Variants in EXOC7 observed in about 807,000 individuals in gnomAD.
EXOC7 encodes exocyst complex component 7, also known as exocyst complex component Exo70.
Under a neutral mutation model 87.6 loss-of-function variants are expected in EXOC7, and 51 were observed. The ratio of observed to expected loss-of-function variants is 0.58; its 90% CI spans 0.46 to 0.73. The LOEUF is 0.73. Among genes scored for constraint, EXOC7 ranks in the 30% least tolerant of loss-of-function variants. EXOC7 has a pLI of 0.00. For synonymous variants in EXOC7, 327 were observed against 357.1 expected (o/e 0.92, Z 0.95); for missense variants, 744 against 888.4 (o/e 0.84, Z 2.07).
chr17:76,081,088 C>A lies in EXOC7; in HGVS notation c.*2560G>T. On this transcript the variant is annotated 3_prime_UTR_variant, in exon 19 of 19. Transcript: ENST00000589210. ...GAATCTGATAAAGGCCTTCCTTCAA[C>A]TGGAGACAATTTGGGATGTTGCAAA... 1 of 668,496 alleles carries A rather than the reference C, an allele frequency of 1.5e-6. No homozygotes were observed. The highest frequency in any genetic ancestry group is 2.5e-6 in the Non-Finnish European group (1 of 392,592). The allele number at this position is 668,496 out of a possible 1,614,324, so 41.4% of individuals were successfully genotyped here. A position where few individuals can be genotyped will look rare whatever the true frequency, so the allele number is the denominator to read the frequency against.
intron 13 of EXOC7, 75 bp from the exon 14 acceptor site, chr17:76,085,872 G>C: frequency 1.3e-6 from 2 of 1,569,722 alleles, no homozygotes; most frequent in Non-Finnish European, 8.6e-7. Context: ...ACCCGCGAAC[G>C]CGCTCCTATC....
At position 76,094,329 on chromosome 17, in the gene EXOC7, C is replaced by T. The variant is rs147553412; in HGVS notation, c.808+85G>A. 4.3e-4 allele frequency: 616 copies of T among 1,440,680 alleles called. 5 individuals carry two copies. The East Asian group carries it at 6.9e-3, about 16-fold the overall frequency. 89.2% of individuals were successfully genotyped at this position (1,440,680 alleles called of 1,614,324 possible). On this transcript the variant is annotated intron_variant, in intron 6 of 18. Coordinates refer to ENST00000589210, the MANE Select transcript of EXOC7 (RefSeq NM_001013839.4). Reference sequence around the variant, plus strand: ...GACGACAAGCTCTGGAGGGGCCTGACGCTGCGAACGCTAGATTGGACTAAA... The same window carrying T: ...GACGACAAGCTCTGGAGGGGCCTGATGCTGCGAACGCTAGATTGGACTAAA...
intron 7 of EXOC7, 160 bp from the exon 8 acceptor site, chr17:76,089,480 C>T (rs2067376344): frequency 7.0e-6 from 6 of 859,640 alleles, no homozygotes; most frequent in Non-Finnish European, 8.8e-6. Context: ...AGCCAGCAGG[C>T]CCCGCCAGGT....
Position 76,092,809 on chromosome 17 carries a change from G to A in EXOC7, c.809-1574C>T, listed in dbSNP as rs547528454. On this transcript the variant is annotated intron_variant, in intron 6 of 18. Coordinates refer to ENST00000589210, the MANE Select transcript of EXOC7 (RefSeq NM_001013839.4). ...CCGTCAGGCTCCCAATTGCCTCCAG[G>A]GATGCTGAGGTCGGTGCTTCACCAC... is the stretch of plus-strand genomic sequence containing the variant. The A allele has an allele frequency of 2.0e-5, 3 of 152,336 alleles. 1 individual carries two copies. Among genetic ancestry groups the A allele is most frequent in the Admixed American group, 6.5e-5 (1 of 15,304 alleles). The allele number at this position is 152,336 out of a possible 1,614,324, so 9.4% of individuals were successfully genotyped here. A position where few individuals can be genotyped will look rare whatever the true frequency, so the allele number is the denominator to read the frequency against.
rs367704480 is a variant in EXOC7 at position 76,101,404 on chromosome 17, T to C, written c.312-28A>G. The C allele has an allele frequency of 6.2e-6, 10 of 1,612,186 alleles. No individual in the cohort carries two copies. In the Admixed American group the frequency reaches 6.7e-5, roughly 11 times the overall value. ...GGGAAAGAAAAGAGCCAGGTCAGGC[T>C]GGGGCATGGGGGATGAAGAAGGACT... On this transcript the variant is annotated intron_variant, in intron 3 of 18. Coordinates refer to ENST00000589210, the MANE Select transcript of EXOC7 (RefSeq NM_001013839.4).
In EXOC7 at chr17:76,081,717, A is replaced by G. The variant is rs993804837; in HGVS notation, c.*1931T>C. The G allele has an allele frequency of 3.7e-6, 6 of 1,613,950 alleles. No homozygotes were observed. Among genetic ancestry groups the G allele is most frequent in the Admixed American group, 3.3e-5 (2 of 59,994 alleles). On this transcript the variant is annotated 3_prime_UTR_variant, in exon 19 of 19. Coordinates refer to ENST00000589210, the MANE Select transcript of EXOC7 (RefSeq NM_001013839.4). ...CTCGTCCTCCACTCCTCCCTGGTGC[A>G]GGCCCTGCCCAGCTCCTCCTCCTGC...
Position 76,081,956 on chromosome 17 carries a change from GC to G in EXOC7, c.*1691del. On this transcript the variant is annotated 3_prime_UTR_variant, in exon 19 of 19. Coordinates refer to ENST00000589210, the MANE Select transcript of EXOC7 (RefSeq NM_001013839.4). ...GACTGTGCTGCTGGCTGGGCTGCTG[GC>G]CCGGGGCAACCTTGGGGCCAAGAGC... 1 of 1,612,942 alleles carries G rather than the reference GC, an allele frequency of 6.2e-7. No individual in the cohort carries two copies.
At position 76,082,296 on chromosome 17, in the gene EXOC7, G is replaced by C; in HGVS notation, c.*1352C>G. 4 of 797,558 alleles carry C rather than the reference G, an allele frequency of 5.0e-6. No individual in the cohort carries two copies. Among genetic ancestry groups the C allele is most frequent in the Non-Finnish European group, 7.7e-6 (4 of 517,590 alleles). The allele number at this position is 797,558 out of a possible 1,614,324, so 49.4% of individuals were successfully genotyped here. A position where few individuals can be genotyped will look rare whatever the true frequency, so the allele number is the denominator to read the frequency against. On this transcript the variant is annotated 3_prime_UTR_variant, in exon 19 of 19. Transcript: ENST00000589210. ...CCCATGCCTTGCACAGCCTAAGAGGGTGTTTCTTCAACTGAAGATGGCCTG... is the reference window on the plus strand; with the variant it reads ...CCCATGCCTTGCACAGCCTAAGAGGCTGTTTCTTCAACTGAAGATGGCCTG...
At position 76,087,636 on chromosome 17, in the gene EXOC7, A is replaced by C. The variant is rs1040631676; in HGVS notation, c.1429+18T>G. The C allele has an allele frequency of 3.9e-6, 6 of 1,550,392 alleles. No individual in the cohort carries two copies. Among genetic ancestry groups the C allele is most frequent in the Non-Finnish European group, 5.2e-6 (6 of 1,146,786 alleles). On this transcript the variant is annotated intron_variant, in intron 12 of 18. Transcript: ENST00000589210. ...GGAGGCGAGTGGGGCAGGGGGCCCAACTGGGAGGTACCAGTACCTTGGGAG... is the reference window on the plus strand; with the variant it reads ...GGAGGCGAGTGGGGCAGGGGGCCCACCTGGGAGGTACCAGTACCTTGGGAG...
At chr17:76,100,347 G>A (rs2067996530) in intron 4 of EXOC7, among the ~76,000 whole-genome samples, 1 of 152,020 alleles carries the variant, frequency 6.6e-6, no homozygotes, top group African/African-American at 2.4e-5. Flanking sequence ...GCACATTTTG[G>A]CCAGGCACGG....
Position 76,082,655 on chromosome 17 carries a change from G to A in EXOC7, c.*993C>T. 6.2e-7 allele frequency: 1 copy of A among 1,608,348 alleles called. No individual in the cohort carries two copies. The highest frequency in any genetic ancestry group is 8.5e-7 in the Non-Finnish European group (1 of 1,177,640). ...CATGGCAGGCGGCCTAGACTGTAAA[G>A]GGGCAGGGCCTGGGCTGCACACCTT... On this transcript the variant is annotated 3_prime_UTR_variant, in exon 19 of 19. Coordinates refer to ENST00000589210, the MANE Select transcript of EXOC7 (RefSeq NM_001013839.4).
Position 76,082,506 on chromosome 17 carries a change from G to C in EXOC7, c.*1142C>G. On this transcript the variant is annotated 3_prime_UTR_variant, in exon 19 of 19. Transcript: ENST00000589210. ...AGGGGTCACAGAGAAGCTGGCCTGA[G>C]ACTGCTGACCGCATCTTCTTCCTCG... 1.2e-6 allele frequency: 2 copies of C among 1,613,732 alleles called. No homozygotes were observed. The highest frequency in any genetic ancestry group is 3.3e-4 in the Middle Eastern group (2 of 6,056).
chr17:76,084,309 A>G lies in EXOC7; in HGVS notation c.1777-20T>C, dbSNP rs1598292310. On this transcript the variant is annotated intron_variant, in intron 16 of 18. Coordinates refer to ENST00000589210, the MANE Select transcript of EXOC7 (RefSeq NM_001013839.4). ...CCGGAGCTGGGAAGCCAGGAGAGAT[A>G]GCAGAGAAAGCTCACTTCAGAGCAG... 1 of 1,613,470 alleles carries G rather than the reference A, an allele frequency of 6.2e-7. No individual in the cohort carries two copies. Among genetic ancestry groups the G allele is most frequent in the Non-Finnish European group, 8.5e-7 (1 of 1,180,022 alleles).
intron 6 of EXOC7, chr17:76,093,199 A>C (rs1159983255): frequency 6.6e-6 from 1 of 152,580 alleles, no homozygotes; most frequent in East Asian, 1.9e-4. Flanking sequence ...GCCACTCCCC[A>C]CCACACAGAA....
chr17:76,082,363 A>G lies in EXOC7; in HGVS notation c.*1285T>C. On this transcript the variant is annotated 3_prime_UTR_variant, in exon 19 of 19. Coordinates refer to ENST00000589210, the MANE Select transcript of EXOC7 (RefSeq NM_001013839.4). The stretch of plus-strand genomic sequence containing the variant: ...AATTTTCATCAGCTGAGAATCTAAG[A>G]AAGGAAGCGATACAGGCTGATGACC... 1 of 1,273,966 alleles carries G rather than the reference A, an allele frequency of 7.8e-7. No individual in the cohort carries two copies. Among genetic ancestry groups the G allele is most frequent in the Non-Finnish European group, 1.1e-6 (1 of 923,708 alleles). 78.9% of individuals were successfully genotyped at this position (1,273,966 alleles called of 1,614,324 possible). A position where few individuals can be genotyped will look rare whatever the true frequency, so the allele number is the denominator to read the frequency against.
chr17:76,097,101 G>A (rs998152328), intron 5 of EXOC7, among the ~76,000 whole-genome samples: 1 of 152,128 alleles, frequency 6.6e-6, no homozygotes, highest in Non-Finnish European at 1.5e-5. Context: ...ACTCACCTCA[G>A]CCTCCCAAAC....
intron 3 of EXOC7, 81 bp downstream of exon 3, chr17:76,101,598 C>T: frequency 2.0e-6 from 3 of 1,505,236 alleles, no homozygotes; most frequent in Non-Finnish European, 2.7e-6. Context: ...CTCAGCCTCC[C>T]AAATTGTTGG....
In EXOC7 at chr17:76,086,092, T is replaced by A; in HGVS notation, c.1483A>T (p.Ser495Cys). The stretch of plus-strand genomic sequence containing the variant: ...GGAGAACACTCACAGATATAGGTGC[T>A]TAGCAGCCGCTTGCTGAACTCAGAG... ...YSSEFSKRLL[S>C]TYICKVLGNL... The change falls in exon 13 of 19, where the codon AGC becomes TGC. Residue 495 changes from serine to cysteine, a missense_variant. Ser to Cys is a moderately radical substitution (Grantham distance 112, BLOSUM62 -1). Coordinates refer to ENST00000589210, the MANE Select transcript of EXOC7 (RefSeq NM_001013839.4). The A allele has an allele frequency of 1.9e-6, 3 of 1,613,802 alleles. No individual in the cohort carries two copies. The South Asian group carries it at 3.3e-5, about 18-fold the overall frequency.
Position 76,081,179 on chromosome 17 carries a change from CAA to C in EXOC7, c.*2467_*2468del, listed in dbSNP as rs548954588. 19 of 1,530,620 alleles carry C rather than the reference CAA, an allele frequency of 1.2e-5. No homozygotes were observed. Among genetic ancestry groups the C allele is most frequent in the South Asian group, 7.5e-5 (6 of 79,652 alleles). 94.8% of individuals were successfully genotyped at this position (1,530,620 alleles called of 1,614,324 possible). On this transcript the variant is annotated 3_prime_UTR_variant, in exon 19 of 19. Coordinates refer to ENST00000589210, the MANE Select transcript of EXOC7 (RefSeq NM_001013839.4). ...CAAGTCTGTCCCTGCCAAAAGCCAT[CAA>C]AAGTCTCCATCACCCCTGGGCTCCA...
Sources: gnomAD v4.1 joint callset for allele counts (sites outside exome capture counted in the v4.1 genomes callset) on GRCh38, gnomAD v4.1.1 for gene constraint, MANE v1.5 for transcripts, NCBI Gene and HGNC (gene_info 2026-07-23, HGNC 2026-07-21) for gene names.